LRRFIP2: variants seen among roughly 807,000 people sequenced by gnomAD.
LRRFIP2 encodes leucine-rich repeat flightless-interacting protein 2.
In LRRFIP2, 109 loss-of-function variants were observed where a neutral mutation model predicts 125.9. The ratio of observed to expected loss-of-function variants is 0.87; its 90% CI spans 0.74 to 1.01. The LOEUF (loss-of-function observed/expected upper bound fraction) is 1.01, where lower values mean the gene tolerates loss of function less well. Ranked by LOEUF, LRRFIP2 falls within the 50% of genes least tolerant of loss-of-function variation. The probability of loss-of-function intolerance (pLI) is 0.00; values close to 1 mark genes in which losing one functional copy is unlikely to be tolerated. For missense variants in LRRFIP2, 850 were observed against 862.3 expected, an observed-to-expected ratio of 0.99 and a Z score of 0.18; for synonymous variants, 291 against 293.1, an observed-to-expected ratio of 0.99 and a Z score of 0.07.
At chr3:37,123,628 G>A (rs1169803312) in intron 4 of LRRFIP2, among the ~76,000 whole-genome samples, 5 of 152,138 alleles carry the variant, frequency 3.3e-5, no homozygotes, top group Admixed American at 6.5e-5. Context: ...CTTAGTAAGT[G>A]GTAATCAGTT....
intron 13 of LRRFIP2, among the ~76,000 whole-genome samples, chr3:37,105,978 T>C (rs1469003172): frequency 1.3e-5 from 2 of 151,974 alleles, no homozygotes; most frequent in Non-Finnish European, 1.5e-5. Flanking sequence ...GGCAGGAGAA[T>C]TGCTGGAACC....
intron 9 of LRRFIP2, 141 bp downstream of exon 9, chr3:37,110,850 C>A: frequency 3.2e-6 from 2 of 632,864 alleles, no homozygotes; most frequent in Admixed American, 3.1e-5. Context: ...CTCCCACAGA[C>A]TATATAAATT....
chr3:37,054,304 ACTGCTGTTTC>A, intron 27 of LRRFIP2, 97 bp downstream of exon 27: 1 of 860,620 alleles, frequency 1.2e-6, no homozygotes, highest in Non-Finnish European at 1.8e-6. Flanking sequence ...AAGTGACTCC[ACTGCTGTTTC>A]CTTAAGTATC....
chr3:37,144,110 G>A (rs1442030457), intron 2 of LRRFIP2, among the ~76,000 whole-genome samples: 1 of 152,242 alleles, frequency 6.6e-6, no homozygotes, highest in Non-Finnish European at 1.5e-5. Context: ...CCAACACCAT[G>A]CCTGGCCTGG....
chr3:37,110,661 A>G (rs2094515502), intron 9 of LRRFIP2, among the ~76,000 whole-genome samples: 1 of 152,204 alleles, frequency 6.6e-6, no homozygotes. Flanking sequence ...AGGGTCAAAT[A>G]GATAATTATG....
chr3:37,165,839 AAGAAAGAAAGAAAGAAAG>A (rs1339678773), intron 1 of LRRFIP2, among the ~76,000 whole-genome samples: 32 of 150,300 alleles, frequency 2.1e-4, no homozygotes, highest in Middle Eastern at 3.4e-3. Flanking sequence ...GAAAGAAAGA[AAGAAAGAAAGAAAGAAAG>A]AGAAAGAAAG....
chr3:37,098,434 C>G (rs2093843792), intron 15 of LRRFIP2, among the ~76,000 whole-genome samples: 1 of 150,662 alleles, frequency 6.6e-6, no homozygotes, highest in Non-Finnish European at 1.5e-5. Flanking sequence ...GTCACCCAGG[C>G]TGGAGTGCAA....
At chr3:37,158,156 C>T (rs971275849) in intron 1 of LRRFIP2, among the ~76,000 whole-genome samples, 7 of 152,164 alleles carry the variant, frequency 4.6e-5, no homozygotes, top group African/African-American at 1.2e-4. Flanking sequence ...TTCACTTATC[C>T]GTATTTTCTG....
chr3:37,166,292 T>G (rs2096488406), intron 1 of LRRFIP2, among the ~76,000 whole-genome samples: 1 of 152,040 alleles, frequency 6.6e-6, no homozygotes, highest in African/African-American at 2.4e-5. Context: ...ATTGGGCCAC[T>G]GCACTCCAGC....
At chr3:37,168,599 T>C (rs1175865751) in intron 1 of LRRFIP2, among the ~76,000 whole-genome samples, 1 of 152,212 alleles carries the variant, frequency 6.6e-6, no homozygotes, top group East Asian at 1.9e-4. Context: ...AGGTGATAGT[T>C]ACACAATAAT....
At chr3:37,163,403 A>G (rs1039079012) in intron 1 of LRRFIP2, among the ~76,000 whole-genome samples, 1 of 152,198 alleles carries the variant, frequency 6.6e-6, no homozygotes, top group Non-Finnish European at 1.5e-5. Context: ...AAACTGATGT[A>G]TACCACATCC....
intron 15 of LRRFIP2, among the ~76,000 whole-genome samples, chr3:37,102,061 T>G (rs1406533877): frequency 1.3e-5 from 2 of 152,260 alleles, no homozygotes; most frequent in Non-Finnish European, 2.9e-5. Flanking sequence ...ATTTCATTAT[T>G]CAACTTTCTA....
rs554553185 is a variant in LRRFIP2 at position 37,058,986 on chromosome 3, A to C, written c.1750-76T>G. ...CCGATGCTTATTCTATGGTCACATC[A>C]TAGAACAAAGCAGACCCTTATCGTA... is the stretch of plus-strand genomic sequence containing the variant. On this transcript the variant is annotated intron_variant, in intron 24 of 27. Coordinates refer to ENST00000336686, the MANE Select transcript of LRRFIP2 (RefSeq NM_006309.4). 21 of 1,584,182 alleles carry C rather than the reference A, an allele frequency of 1.3e-5. No homozygotes were observed. The African/African-American group carries it at 2.8e-4, about 21-fold the overall frequency.
Position 37,054,454 on chromosome 3 carries a change from A to G in LRRFIP2, c.2012T>C (p.Val671Ala). 6.2e-7 allele frequency: 1 copy of G among 1,613,994 alleles called. No homozygotes were observed. The highest frequency in any genetic ancestry group is 8.5e-7 in the Non-Finnish European group (1 of 1,179,952). ...TTTTTCTGCTTTCAATTCATCTTCA[A>G]CTTTCTCAGCATTCTCAGCAGCAGT... is the stretch of plus-strand genomic sequence containing the variant. ...YKTAAENAEK[V>A]EDELKAEKRK... Residue 671 changes from valine to alanine, a missense_variant, in exon 27 of 28, where the codon GTT becomes GCT. Val to Ala is a moderately conservative substitution (Grantham distance 64). Coordinates refer to ENST00000336686, the MANE Select transcript of LRRFIP2 (RefSeq NM_006309.4).
intron 7 of LRRFIP2, among the ~76,000 whole-genome samples, chr3:37,114,733 A>G (rs1559908706): frequency 6.6e-6 from 1 of 152,010 alleles, no homozygotes; most frequent in African/African-American, 2.4e-5. Context: ...TGCAGTCAGT[A>G]AGCTATGATT....
intron 2 of LRRFIP2, among the ~76,000 whole-genome samples, chr3:37,136,378 T>C (rs1029767795): frequency 6.6e-6 from 1 of 152,204 alleles, no homozygotes; most frequent in African/African-American, 2.4e-5. Flanking sequence ...TGCACATCTT[T>C]GTGAATATAT....
chr3:37,165,869 A>G (rs975675613), intron 1 of LRRFIP2, among the ~76,000 whole-genome samples: 3 of 151,892 alleles, frequency 2.0e-5, no homozygotes, highest in Non-Finnish European at 4.4e-5. Context: ...GAAAGAAAGA[A>G]AGAAGAAAAA....
intron 6 of LRRFIP2, among the ~76,000 whole-genome samples, chr3:37,118,732 C>T (rs1314908993): frequency 2.0e-5 from 3 of 152,112 alleles, no homozygotes; most frequent in African/African-American, 2.4e-5. Flanking sequence ...AGCATAAGAC[C>T]ATAAATATAT....
intron 23 of LRRFIP2, chr3:37,065,526 C>A (rs2089944091): frequency 1.8e-6 from 1 of 556,576 alleles, no homozygotes; most frequent in Non-Finnish European, 3.4e-6. Flanking sequence ...TATCTCTTTG[C>A]AGAACAGTTT....
Sources: allele counts gnomAD v4.1 joint callset (sites outside exome capture counted in the v4.1 genomes callset), GRCh38; gene constraint gnomAD v4.1.1; transcripts MANE v1.5; gene names NCBI Gene and HGNC (gene_info 2026-07-23, HGNC 2026-07-21).